Variants in AP1B1 observed in about 807,000 individuals in gnomAD.
AP1B1 encodes the protein AP-1 complex subunit beta-1.
In AP1B1, 36 loss-of-function variants were observed where a neutral mutation model predicts 104.3. That is an observed-to-expected ratio of 0.35 (90% CI 0.26 to 0.46). AP1B1 has a LOEUF of 0.46. Ranked by LOEUF, AP1B1 falls within the 20% of genes least tolerant of loss-of-function variation. AP1B1 has a pLI of 1.00. For synonymous variants in AP1B1, 504 were observed against 517.5 expected (o/e 0.97, Z 0.35); for missense variants, 901 against 1,247.9 (o/e 0.72, Z 4.19).
At chr22:29,377,423 G>A (rs1030646674) in intron 1 of AP1B1, among the ~76,000 whole-genome samples, 1 of 152,062 alleles carries the variant, frequency 6.6e-6, no homozygotes, top group African/African-American at 2.4e-5. Flanking sequence ...TGTTCTTTAG[G>A]CTCAGCATGA....
Position 29,329,734 on chromosome 22 carries a change from A to G in AP1B1, c.2767-14T>C, listed in dbSNP as rs775515095. On this transcript the variant is annotated splice_polypyrimidine_tract_variant and intron_variant, in intron 21 of 22. Coordinates refer to ENST00000357586, the MANE Select transcript of AP1B1 (RefSeq NM_001127.4). ...AACCTCTAAGTCCTGCACCACGGGA[A>G]CCAGCAGGGAAGGTGACATGCAGCA... is the stretch of plus-strand genomic sequence containing the variant. The G allele has an allele frequency of 1.2e-5, 19 of 1,613,454 alleles. No individual in the cohort carries two copies. The highest frequency in any genetic ancestry group is 1.6e-5 in the Non-Finnish European group (19 of 1,179,712).
At chr22:29,346,250 A>G (rs1252514038) in intron 11 of AP1B1, among the ~76,000 whole-genome samples, 3 of 152,210 alleles carry the variant, frequency 2.0e-5, no homozygotes, top group Non-Finnish European at 4.4e-5. Flanking sequence ...CTCCCTGTCC[A>G]GCTTCTCTCA....
chr22:29,333,012 A>C (rs1414565585), intron 17 of AP1B1: 1 of 152,436 alleles, frequency 6.6e-6, no homozygotes, highest in Non-Finnish European at 1.5e-5. Context: ...CATTCAGCAC[A>C]CAGTAAGTTT....
intron 1 of AP1B1, among the ~76,000 whole-genome samples, chr22:29,382,625 G>A (rs2062455435): frequency 6.6e-6 from 1 of 152,096 alleles, no homozygotes; most frequent in Non-Finnish European, 1.5e-5. Context: ...GGAGGGGAGA[G>A]GGGAGGAAGG....
chr22:29,355,536 G>A (rs116130445), intron 6 of AP1B1, among the ~76,000 whole-genome samples: 438 of 152,188 alleles, frequency 2.9e-3, no homozygotes, highest in African/African-American at 0.01. Flanking sequence ...ATAACCCCTA[G>A]CAGGTTCAAA....
At chr22:29,340,621 T>A in intron 14 of AP1B1, 35 bp downstream of exon 14, 1 of 1,500,402 alleles carries the variant, frequency 6.7e-7, no homozygotes, top group Non-Finnish European at 8.9e-7. Context: ...CTGAGGATCA[T>A]TATCAACATC....
intron 7 of AP1B1, 41 bp from the exon 8 acceptor site, chr22:29,351,866 C>G (rs777434638): frequency 6.2e-7 from 1 of 1,607,238 alleles, no homozygotes. Context: ...AAAAACAAGG[C>G]TTAAGCCCTG....
rs946391248 is a variant in AP1B1, at chr22:29,331,068, C to G, written c.2525-359G>C. 3.3e-5 allele frequency among the ~76,000 whole-genome samples: 5 copies of G among 152,308 alleles called. 1 individual carries two copies. Among genetic ancestry groups the G allele is most frequent in the Admixed American group, 6.5e-5 (1 of 15,308 alleles). Reference sequence around the variant, plus strand: ...GCCAAGGGCTCCACGCAGCCAGGGGCAGGGTGCAGGCCGTCTGTGTGCTGT... The same window carrying G: ...GCCAAGGGCTCCACGCAGCCAGGGGGAGGGTGCAGGCCGTCTGTGTGCTGT... On this transcript the variant is annotated intron_variant, in intron 19 of 22. Transcript: ENST00000357586.
At position 29,328,779 on chromosome 22, in the gene AP1B1, G is replaced by A. The variant is rs552068696; in HGVS notation, c.*42C>T. 28 of 1,583,330 alleles carry A rather than the reference G, an allele frequency of 1.8e-5. No homozygotes were observed. The highest frequency in any genetic ancestry group is 2.7e-5 in the African/African-American group (2 of 74,816). ...TGTGCTGCCCCCGAGGGGCCTCCTC[G>A]ATGGGGCGGGCAGAAGGCTGGGGTG... On this transcript the variant is annotated 3_prime_UTR_variant, in exon 23 of 23. Transcript: ENST00000357586. The surrounding 1 kb of genome is among the most constrained non-coding windows in gnomAD (Gnocchi z 4.1).
intron 13 of AP1B1, among the ~76,000 whole-genome samples, chr22:29,341,159 T>C (rs545558872): frequency 1.3e-5 from 2 of 152,160 alleles, no homozygotes; most frequent in Non-Finnish European, 2.9e-5. Flanking sequence ...ACCAACCACC[T>C]GGGAACAACA....
At chr22:29,350,187 C>G (rs759916824) in intron 9 of AP1B1, 37 bp from the exon 10 acceptor site, 2 of 1,555,428 alleles carry the variant, frequency 1.3e-6, no homozygotes. Flanking sequence ...GAGGTCCCCG[C>G]ACCCCATTTC....
intron 11 of AP1B1, among the ~76,000 whole-genome samples, chr22:29,346,155 C>A (rs1265981141): frequency 6.6e-6 from 1 of 152,200 alleles, no homozygotes; most frequent in Non-Finnish European, 1.5e-5. Context: ...AACTGTGCTC[C>A]AGGCCACACA....
At position 29,340,766 on chromosome 22, in the gene AP1B1, C is replaced by T; in HGVS notation, c.1888G>A (p.Gly630Ser). 6.3e-7 allele frequency: 1 copy of T among 1,599,274 alleles called. No individual in the cohort carries two copies. Among genetic ancestry groups the T allele is most frequent in the Non-Finnish European group, 8.5e-7 (1 of 1,174,184 alleles). The part of the protein sequence containing the change: ...DVIPAQGDLL[G>S]DLLNLDLGPP... ...CCGAGGTCCAGGTTGAGGAGGTCAC[C>T]CAGCAGGTCGCCCTGGGCGGGGATG... The change falls in exon 14 of 23, where the codon GGT becomes AGT. Residue 630 changes from glycine to serine, a missense_variant. This residue lies in a region of AP1B1 where 424 missense variants were observed against 494.0 expected (regional missense o/e 0.86). Coordinates refer to ENST00000357586, the MANE Select transcript of AP1B1 (RefSeq NM_001127.4).
rs2062013709 is a variant in AP1B1, at chr22:29,359,706, G to A, written c.279+118C>T. The A allele has an allele frequency of 8.9e-6, 12 of 1,347,416 alleles. 1 individual carries two copies. Among genetic ancestry groups the A allele is most frequent in the South Asian group, 7.8e-5 (5 of 63,846 alleles). 83.5% of individuals were successfully genotyped at this position (1,347,416 alleles called of 1,614,324 possible). On this transcript the variant is annotated intron_variant, in intron 4 of 22. Transcript: ENST00000357586. ...GAAGAGGCCTGCAGGCTGGGCGGGCGCGGGCAGTCTGAAGGTCTGGACTCC... is the reference window on the plus strand; with the variant it reads ...GAAGAGGCCTGCAGGCTGGGCGGGCACGGGCAGTCTGAAGGTCTGGACTCC...
chr22:29,330,166 C>T, intron 21 of AP1B1: 2 of 1,436,474 alleles, frequency 1.4e-6, no homozygotes, highest in Non-Finnish European at 1.8e-6. Flanking sequence ...TAGTCCAACT[C>T]ACTGTTCCGA....
At chr22:29,379,838 C>A (rs370062693) in intron 1 of AP1B1, among the ~76,000 whole-genome samples, 1 of 152,216 alleles carries the variant, frequency 6.6e-6, no homozygotes, top group African/African-American at 2.4e-5. Context: ...TAAATCAACA[C>A]TAGCTGGGGA....
intron 11 of AP1B1, among the ~76,000 whole-genome samples, chr22:29,346,272 T>C (rs1434360156): frequency 6.6e-6 from 1 of 152,214 alleles, no homozygotes; most frequent in Admixed American, 6.5e-5. Context: ...TCTAGCTTTT[T>C]AGCAGGCTTA....
At chr22:29,360,909 A>G (rs2062034931) in intron 3 of AP1B1, among the ~76,000 whole-genome samples, 1 of 152,216 alleles carries the variant, frequency 6.6e-6, no homozygotes. Flanking sequence ...TAGGAGGTCA[A>G]AGTGAACTTC....
At chr22:29,354,580 G>A in intron 7 of AP1B1, 70 bp downstream of exon 7, 4 of 1,441,796 alleles carry the variant, frequency 2.8e-6, no homozygotes, top group Admixed American at 3.5e-5. Context: ...TTTCCTTTGA[G>A]AGCCCCCATT....
Sources: gnomAD v4.1 joint callset for allele counts (sites outside exome capture counted in the v4.1 genomes callset) on GRCh38, gnomAD v4.1.1 for gene constraint, gnomAD v4.1.1 regional missense constraint, Gnocchi (gnomAD v3.1) non-coding constraint, MANE v1.5 for transcripts, NCBI Gene and HGNC (gene_info 2026-07-23, HGNC 2026-07-21) for gene names.